Variants in MYO16 observed in about 807,000 individuals in gnomAD.
The protein encoded by MYO16 is myosin XVI.
MYO16 carries 94 observed loss-of-function variants against 205.3 expected under a neutral mutation model. The ratio of observed to expected loss-of-function variants is 0.46; its 90% CI spans 0.39 to 0.54. The LOEUF is 0.54. Ranked by LOEUF, MYO16 falls within the 20% of genes least tolerant of loss-of-function variation. MYO16 has a pLI of 0.00. For synonymous variants in MYO16, 988 were observed against 954.0 expected (o/e 1.04, Z -0.66); for missense variants, 2,315 against 2,387.5 (o/e 0.97, Z 0.63).
intron 27 of MYO16, among the ~76,000 whole-genome samples, chr13:109,057,653 T>C (rs528036433): frequency 6.6e-6 from 1 of 152,276 alleles, no homozygotes; most frequent in South Asian, 2.1e-4. Context: ...TGATATTTCT[T>C]ACATTTTATA....
At chr13:108,585,156 G>T in the MYO16 span, among the ~76,000 whole-genome samples, 2 of 152,118 alleles carry the variant, frequency 1.3e-5, no homozygotes, top group African/African-American at 4.8e-5. Context: ...AGCCAAATAC[G>T]AGTGACCATG....
intron 13 of MYO16, 83 bp from the exon 14 acceptor site, chr13:108,888,289 C>A: frequency 1.1e-6 from 1 of 924,370 alleles, no homozygotes; most frequent in Non-Finnish European, 1.6e-6. Flanking sequence ...CTTGTTCCTT[C>A]AAAGTAGTTT....
intron 16 of MYO16, among the ~76,000 whole-genome samples, chr13:108,923,453 A>AG (rs1246003950): frequency 6.6e-6 from 1 of 152,230 alleles, no homozygotes; most frequent in Non-Finnish European, 1.5e-5. Context: ...GGAGCAGTGG[A>AG]GGGATCCGTC....
chr13:108,548,991 A>T, the MYO16 span, among the ~76,000 whole-genome samples: 2 of 152,128 alleles, frequency 1.3e-5, no homozygotes, highest in African/African-American at 4.8e-5. Flanking sequence ...CAGATCGATA[A>T]AGAGAAGAGA....
the MYO16 span, among the ~76,000 whole-genome samples, chr13:108,501,813 T>C: frequency 6.6e-6 from 1 of 152,228 alleles, no homozygotes; most frequent in Non-Finnish European, 1.5e-5. Flanking sequence ...TATTTACTCT[T>C]TGGCCTTTTA....
At chr13:108,915,482 C>T (rs1274195405) in intron 16 of MYO16, among the ~76,000 whole-genome samples, 2 of 152,120 alleles carry the variant, frequency 1.3e-5, no homozygotes, top group Non-Finnish European at 2.9e-5. Flanking sequence ...TGACTGCTTC[C>T]CCCTAACCCC....
At chr13:108,522,737 A>G in the MYO16 span, among the ~76,000 whole-genome samples, 3 of 149,418 alleles carry the variant, frequency 2.0e-5, no homozygotes, top group Admixed American at 1.3e-4. Context: ...TTGTCTTCAC[A>G]GGATCCTTAC....
intron 2 of MYO16, among the ~76,000 whole-genome samples, chr13:108,690,171 A>T (rs1324025093): frequency 6.6e-6 from 1 of 152,058 alleles, no homozygotes; most frequent in Non-Finnish European, 1.5e-5. Context: ...CTTGTACAAG[A>T]TTTGTGAATC....
chr13:108,957,758 GT>G lies in MYO16; in HGVS notation c.2000del (p.Leu667Ter). 6.2e-7 allele frequency: 1 copy of G among 1,613,874 alleles called. No individual in the cohort carries two copies. The highest frequency in any genetic ancestry group is 8.5e-7 in the Non-Finnish European group (1 of 1,179,788). On this transcript the variant is annotated frameshift_variant, in exon 17 of 35. Transcript: ENST00000457511. LOFTEE classifies it high-confidence loss of function. Reference protein sequence around the residue: ...ERSLNREKLAVLKRALNVVGF... With the variant: ...ERSLNREKLAXLKRALNVVGF... Reference sequence around the variant, plus strand: ...TTCTCTGAACAGGGAGAAATTGGCTGTTTTGAAACGAGCCCTGAATGTAGTT... The same window carrying G: ...TTCTCTGAACAGGGAGAAATTGGCTGTTTGAAACGAGCCCTGAATGTAGTT...
In MYO16 at chr13:109,140,805, G is replaced by T. The variant is rs200212135; in HGVS notation, c.4593G>T (p.Ser1531=). ...PVTCSPASDE[S]PLTPLEVKKL... ...CCTGCTCCCCCGCCTCCGACGAGTCGCCCCTGACACCCCTGGAGGTGAAGA... is the reference window on the plus strand; with the variant it reads ...CCTGCTCCCCCGCCTCCGACGAGTCTCCCCTGACACCCCTGGAGGTGAAGA... Residue 1531 remains serine, a synonymous_variant, in exon 32 of 35, where the codon TCG becomes TCT. Coordinates refer to ENST00000457511, the MANE Select transcript of MYO16 (RefSeq NM_001198950.3). This position sits in a 1 kb window ranked among gnomAD's most constrained non-coding sequence, Gnocchi z 8.0. The T allele has an allele frequency of 3.8e-6, 6 of 1,574,716 alleles. No individual in the cohort carries two copies. Among genetic ancestry groups the T allele is most frequent in the Non-Finnish European group, 5.2e-6 (6 of 1,164,384 alleles).
chr13:109,107,158 A>G (rs1889144199), intron 28 of MYO16, among the ~76,000 whole-genome samples: 1 of 152,236 alleles, frequency 6.6e-6, no homozygotes, highest in Non-Finnish European at 1.5e-5. Flanking sequence ...TCTGAAAGAA[A>G]TAACAAAGGG....
At chr13:108,672,007 C>T (rs1302696057) in intron 2 of MYO16, among the ~76,000 whole-genome samples, 1 of 152,048 alleles carries the variant, frequency 6.6e-6, no homozygotes, top group Middle Eastern at 3.2e-3. Flanking sequence ...TTGGAGCTGA[C>T]CCAAGTATAA....
intron 21 of MYO16, among the ~76,000 whole-genome samples, chr13:109,007,208 G>A (rs1220175517): frequency 2.6e-5 from 4 of 152,104 alleles, no homozygotes; most frequent in Admixed American, 6.5e-5. Flanking sequence ...CTAACATGGT[G>A]AAACCCCATC....
intron 21 of MYO16, among the ~76,000 whole-genome samples, chr13:109,008,594 A>ACTAT (rs1228544641): frequency 9.3e-6 from 1 of 107,712 alleles, no homozygotes; most frequent in African/African-American, 4.0e-5. Flanking sequence ...GCACTACTGT[A>ACTAT]CTATCTTGTG....
intron 16 of MYO16, among the ~76,000 whole-genome samples, chr13:108,916,641 T>C (rs1400890485): frequency 6.6e-6 from 1 of 152,208 alleles, no homozygotes; most frequent in Non-Finnish European, 1.5e-5. Context: ...TAACAGAGCT[T>C]TTGTTACCCT....
intron 1 of MYO16, among the ~76,000 whole-genome samples, chr13:108,652,155 G>GCA (rs1491199377): frequency 1.7e-3 from 175 of 103,746 alleles, no homozygotes; most frequent in Middle Eastern, 5.1e-3. Context: ...GTGTGTGTGT[G>GCA]CGCGCGCGCG....
chr13:108,760,956 T>C (rs1293808734), intron 4 of MYO16, among the ~76,000 whole-genome samples: 3 of 152,234 alleles, frequency 2.0e-5, no homozygotes, highest in Non-Finnish European at 4.4e-5. Flanking sequence ...TAATTTCACC[T>C]AATATAATGA....
chr13:108,663,092 T>G (rs1881574384), intron 1 of MYO16, among the ~76,000 whole-genome samples: 1 of 152,134 alleles, frequency 6.6e-6, no homozygotes, highest in African/African-American at 2.4e-5. Context: ...GGGGCACTCA[T>G]AGTATTTGAG....
chr13:109,093,313 T>C (rs886230768), intron 27 of MYO16, among the ~76,000 whole-genome samples: 1 of 152,180 alleles, frequency 6.6e-6, no homozygotes, highest in Non-Finnish European at 1.5e-5. Flanking sequence ...CATGAGGGCA[T>C]GAGCATTCCG....
Sources: allele counts gnomAD v4.1 joint callset (sites outside exome capture counted in the v4.1 genomes callset), GRCh38; gene constraint gnomAD v4.1.1; non-coding constraint Gnocchi (gnomAD v3.1); transcripts MANE v1.5; gene names NCBI Gene and HGNC (gene_info 2026-07-23, HGNC 2026-07-21).